The following PRSS41 variants were observed in gnomAD, a reference collection of about 807,000 sequenced individuals.
The protein encoded by PRSS41 is protease, serine 41.
Under a neutral mutation model 28.8 loss-of-function variants are expected in PRSS41, and 37 were observed. The observed-to-expected ratio is 1.29, with a 90% CI of 0.99 to 1.69. The LOEUF is 1.69. PRSS41 is among the 40% of genes most tolerant of loss of function. PRSS41 has a pLI of 0.00. For synonymous variants in PRSS41, 195 were observed against 163.1 expected (o/e 1.20, Z -1.49); for missense variants, 431 against 400.7 (o/e 1.08, Z -0.65).
chr16:2,799,098 G>A lies in PRSS41; in HGVS notation c.231G>A (p.Val77=), dbSNP rs112787874. The stretch of plus-strand genomic sequence containing the variant: ...GGAGCCTGCTCAGCCGCCGCTGGGT[G>A]CTCTCGGCTGCGCACTGCTTCCAAA... The change falls in exon 3 of 6, where the codon GTG becomes GTA. Residue 77 remains valine, a synonymous_variant. Coordinates refer to ENST00000399677, the Ensembl canonical transcript of PRSS41. 2.7e-4 allele frequency: 411 copies of A among 1,530,458 alleles called. 1 individual carries two copies. Among genetic ancestry groups the A allele is most frequent in the African/African-American group, 1.9e-3 (138 of 72,820 alleles). 94.8% of individuals were successfully genotyped at this position (1,530,458 alleles called of 1,614,324 possible).
chr16:2,798,873 G>A (rs1381012215), intron 2 of PRSS41, 86 bp from the exon 3 acceptor site: 1 of 1,398,480 alleles, frequency 7.2e-7, no homozygotes, highest in Non-Finnish European at 9.3e-7. Context: ...CCCCCGCTGC[G>A]CGCACCCCGG....
intron 4 of PRSS41, among the ~76,000 whole-genome samples, chr16:2,802,611 A>T (rs1482493563): frequency 6.6e-6 from 1 of 152,256 alleles, no homozygotes; most frequent in Non-Finnish European, 1.5e-5. Context: ...TGAGTGAACC[A>T]GACTCCGTCT....
At chr16:2,801,024 A>G (rs543215639) in intron 4 of PRSS41, among the ~76,000 whole-genome samples, 1 of 152,252 alleles carries the variant, frequency 6.6e-6, no homozygotes, top group South Asian at 2.1e-4. Context: ...GGATGTATCA[A>G]TAAGGGGTTT....
Position 2,799,134 on chromosome 16 carries a change from G to C in PRSS41, c.257+10G>C, listed in dbSNP as rs1567267057. On this transcript the variant is annotated intron_variant, in intron 3 of 5. Coordinates refer to ENST00000399677, the Ensembl canonical transcript of PRSS41. ...CGCACTGCTTCCAAAAGTGAGTCTG[G>C]GGGGCGGCCGGGGCCTCAGACTTGC... 4 of 1,509,874 alleles carry C rather than the reference G, an allele frequency of 2.6e-6. No homozygotes were observed. The highest frequency in any genetic ancestry group is 2.5e-5 in the East Asian group (1 of 40,632). The allele number at this position is 1,509,874 out of a possible 1,614,324, so 93.5% of individuals were successfully genotyped here.
chr16:2,801,312 A>T (rs1198887351), intron 4 of PRSS41, among the ~76,000 whole-genome samples: 1 of 151,586 alleles, frequency 6.6e-6, no homozygotes, highest in Non-Finnish European at 1.5e-5. Context: ...TTTTATCAAT[A>T]TGTAATGTTG....
chr16:2,804,656 A>G, intron 5 of PRSS41, 110 bp downstream of exon 5: 1 of 1,128,780 alleles, frequency 8.9e-7, no homozygotes, highest in Non-Finnish European at 1.3e-6. Flanking sequence ...ATTTCTTAGG[A>G]GAAAACCAGT....
At chr16:2,805,261 G>A (rs2069014547) in exon 6 of PRSS41, 9 of 691,166 alleles carry the variant, frequency 1.3e-5, no homozygotes, top group Non-Finnish European at 2.2e-5. Context: ...TCAGATTCCG[G>A]CCCCTTTTGT....
chr16:2,803,164 G>A (rs1458493064), intron 4 of PRSS41, among the ~76,000 whole-genome samples: 1 of 152,130 alleles, frequency 6.6e-6, no homozygotes. Flanking sequence ...TTACAGATCT[G>A]CAAAGAATGA....
Position 2,799,132 on chromosome 16 carries a change from T to TG in PRSS41, c.257+14dup, listed in dbSNP as rs1463904505. 4.0e-6 allele frequency: 6 copies of TG among 1,514,052 alleles called. No individual in the cohort carries two copies. The highest frequency in any genetic ancestry group is 2.1e-5 in the Admixed American group (1 of 46,860). The allele number at this position is 1,514,052 out of a possible 1,614,324, so 93.8% of individuals were successfully genotyped here. On this transcript the variant is annotated intron_variant, in intron 3 of 5. Coordinates refer to ENST00000399677, the Ensembl canonical transcript of PRSS41. ...TGCGCACTGCTTCCAAAAGTGAGTC[T>TG]GGGGGGCGGCCGGGGCCTCAGACTT...
chr16:2,800,285 A>G (rs1403141238), intron 4 of PRSS41, among the ~76,000 whole-genome samples: 1 of 152,208 alleles, frequency 6.6e-6, no homozygotes, highest in African/African-American at 2.4e-5. Flanking sequence ...ATGAGCCTAT[A>G]ATCCCAGCAC....
At chr16:2,800,497 G>A (rs973392546) in intron 4 of PRSS41, among the ~76,000 whole-genome samples, 7 of 144,812 alleles carry the variant, frequency 4.8e-5, no homozygotes, top group African/African-American at 1.8e-4. Context: ...GAGCCGAGAT[G>A]GCACCACTGC....
chr16:2,799,038 C>A, exon 3 of PRSS41: 1 of 1,532,986 alleles, frequency 6.5e-7, no homozygotes, highest in African/African-American at 1.4e-5. Flanking sequence ...CATGGCAGGC[C>A]AGCCTGCGCC....
intron 2 of PRSS41, 77 bp from the exon 3 acceptor site, chr16:2,798,881 CG>C: frequency 1.4e-6 from 2 of 1,425,898 alleles, no homozygotes; most frequent in Non-Finnish European, 1.8e-6. Context: ...GCGCGCACCC[CG>C]GGGCAAAGCC....
exon 6 of PRSS41, chr16:2,805,088 C>T (rs1247041676): frequency 1.3e-6 from 2 of 1,551,688 alleles, no homozygotes; most frequent in East Asian, 2.4e-5. Flanking sequence ...CAGGCCAAAC[C>T]CCTCCCAGCT....
chr16:2,803,091 C>T (rs921847867), intron 4 of PRSS41, among the ~76,000 whole-genome samples: 3 of 152,146 alleles, frequency 2.0e-5, no homozygotes, highest in African/African-American at 7.2e-5. Context: ...TTTTTAAAAG[C>T]GATTTTATCA....
chr16:2,798,587 AGGAGGCCGGGAGGT>A (rs2068963568), intron 1 of PRSS41, 35 bp from the exon 2 acceptor site: 1 of 1,525,028 alleles, frequency 6.6e-7, no homozygotes. Flanking sequence ...GGGGGCAGCG[AGGAGGCCGGGAGGT>A]GGAGGCCGCG....
At chr16:2,801,606 A>C (rs571101099) in intron 4 of PRSS41, among the ~76,000 whole-genome samples, 4 of 151,416 alleles carry the variant, frequency 2.6e-5, no homozygotes, top group African/African-American at 9.7e-5. Context: ...CCCTTAATCC[A>C]TTTAACCCTG....
intron 4 of PRSS41, among the ~76,000 whole-genome samples, chr16:2,803,747 C>G (rs1257701989): frequency 2.0e-5 from 3 of 152,168 alleles, no homozygotes; most frequent in African/African-American, 7.2e-5. Flanking sequence ...AATGACAAAT[C>G]TTCTCAGCTT....
chr16:2,804,643 T>A, intron 5 of PRSS41, 97 bp downstream of exon 5: 1 of 1,221,224 alleles, frequency 8.2e-7, no homozygotes, highest in East Asian at 2.5e-5. Flanking sequence ...ACCCATTGCT[T>A]AGATTTCTTA....
Sources: allele counts gnomAD v4.1 joint callset (sites outside exome capture counted in the v4.1 genomes callset), GRCh38; gene constraint gnomAD v4.1.1; transcripts MANE v1.5; gene names NCBI Gene and HGNC (gene_info 2026-07-23, HGNC 2026-07-21).